Variants in LATS2 observed in about 807,000 individuals in gnomAD.
LATS2 encodes the protein large tumor suppressor kinase 2, also known as serine/threonine-protein kinase LATS2.
In LATS2, 24 loss-of-function variants were observed where a neutral mutation model predicts 76.0. The observed-to-expected ratio is 0.32, with a 90% CI of 0.23 to 0.44. The LOEUF (loss-of-function observed/expected upper bound fraction) is 0.44. LATS2 is among the 20% of genes least tolerant of loss of function. LATS2 has a pLI of 1.00. For missense variants in LATS2, 1,286 were observed against 1,481.2 expected (o/e 0.87, Z 2.16); for synonymous variants, 692 against 635.4 (o/e 1.09, Z -1.34).
At chr13:20,987,855 A>T in intron 4 of LATS2, 26 bp downstream of exon 4, 1 of 1,603,688 alleles carries the variant, frequency 6.2e-7, no homozygotes, top group African/African-American at 1.3e-5. Context: ...CCGGGAACAA[A>T]TAGTAAAAAT....
chr13:21,030,154 C>T (rs866551546), intron 2 of LATS2, among the ~76,000 whole-genome samples: 3 of 151,336 alleles, frequency 2.0e-5, no homozygotes, highest in Non-Finnish European at 4.4e-5. Context: ...AATCCACCCC[C>T]ATGGTCTAAT....
At chr13:21,009,700 T>C (rs748635204) in intron 2 of LATS2, among the ~76,000 whole-genome samples, 5 of 152,168 alleles carry the variant, frequency 3.3e-5, no homozygotes, top group Non-Finnish European at 7.3e-5. Flanking sequence ...AGAAACCAGA[T>C]GGAGGAACAG....
intron 2 of LATS2, among the ~76,000 whole-genome samples, chr13:21,045,189 C>G (rs527686813): frequency 3.9e-4 from 60 of 152,200 alleles, no homozygotes; most frequent in African/African-American, 1.4e-3. Flanking sequence ...AGTTACACCC[C>G]CTGTAACAGC....
In LATS2 at chr13:20,998,752, G is replaced by A. The variant is rs375203969; in HGVS notation, c.343-7348C>T. On this transcript the variant is annotated intron_variant, in intron 2 of 7. Coordinates refer to ENST00000382592, the MANE Select transcript of LATS2 (RefSeq NM_014572.3). ...AGGCCTTGTCAATGCGGGGCGAGGC[G>A]GGGCGGGGCCCGACAACCTTGGGCT... Among the ~76,000 whole-genome samples the A allele has an allele frequency of 1.4e-3, 219 of 152,334 alleles. 1 individual carries two copies. The highest frequency in any genetic ancestry group is 4.3e-3 in the African/African-American group (179 of 41,584).
chr13:21,044,513 T>C (rs1872992006), intron 2 of LATS2, among the ~76,000 whole-genome samples: 1 of 152,232 alleles, frequency 6.6e-6, no homozygotes, highest in Admixed American at 6.5e-5. Flanking sequence ...AATAAAACAC[T>C]GGCTTTCATG....
chr13:20,995,998 A>C (rs910869513), intron 2 of LATS2, among the ~76,000 whole-genome samples: 1 of 152,212 alleles, frequency 6.6e-6, no homozygotes, highest in South Asian at 2.1e-4. Flanking sequence ...AGAAAGCTTA[A>C]TTTAGGAAAG....
intron 2 of LATS2, among the ~76,000 whole-genome samples, chr13:21,039,722 G>C (rs957067667): frequency 2.6e-5 from 4 of 152,176 alleles, no homozygotes; most frequent in African/African-American, 9.7e-5. Context: ...AGCAAGACGG[G>C]AACATGACAA....
intron 1 of LATS2, among the ~76,000 whole-genome samples, chr13:21,050,965 T>TAA (rs1386899900): frequency 1.6e-4 from 24 of 152,078 alleles, no homozygotes; most frequent in African/African-American, 5.5e-4. Flanking sequence ...AAAGGCTGAG[T>TAA]CAAATGGAAG....
At chr13:20,979,834 T>C (rs370265384) in intron 6 of LATS2, 37 bp from the exon 7 acceptor site, 2 of 1,129,092 alleles carry the variant, frequency 1.8e-6, no homozygotes, top group African/African-American at 1.5e-5. Flanking sequence ...TACACAGGCA[T>C]GAATTCTCCT....
chr13:20,989,829 C>G (rs1200510042), intron 3 of LATS2, among the ~76,000 whole-genome samples: 1 of 152,082 alleles, frequency 6.6e-6, no homozygotes, highest in Non-Finnish European at 1.5e-5. Context: ...TTTTTTTTGT[C>G]TATATTAAAA....
chr13:21,008,216 G>T (rs1356754777), intron 2 of LATS2, among the ~76,000 whole-genome samples: 2 of 152,150 alleles, frequency 1.3e-5, no homozygotes, highest in Admixed American at 6.5e-5. Context: ...AGACACTCGG[G>T]CACCGCATCC....
intron 1 of LATS2, among the ~76,000 whole-genome samples, chr13:21,047,386 C>T (rs1246522224): frequency 6.6e-6 from 1 of 152,168 alleles, no homozygotes; most frequent in Non-Finnish European, 1.5e-5. Flanking sequence ...TTCTTCACCC[C>T]GTGATGAATG....
intron 2 of LATS2, among the ~76,000 whole-genome samples, chr13:21,033,805 T>C (rs967279551): frequency 6.6e-6 from 1 of 151,704 alleles, no homozygotes; most frequent in Non-Finnish European, 1.5e-5. Flanking sequence ...CTGGAGAAAT[T>C]TGTCACTGTT....
chr13:21,055,263 T>A (rs1873415060), intron 1 of LATS2, among the ~76,000 whole-genome samples: 1 of 152,102 alleles, frequency 6.6e-6, no homozygotes, highest in African/African-American at 2.4e-5. Context: ...GAAATTTTTC[T>A]TTCATCAAGA....
At chr13:21,054,295 C>T (rs994091425) in intron 1 of LATS2, among the ~76,000 whole-genome samples, 3 of 152,074 alleles carry the variant, frequency 2.0e-5, no homozygotes, top group African/African-American at 4.8e-5. Context: ...CCTGTCTCTA[C>T]TAAAAATGCA....
chr13:20,977,807 G>C (rs1366626937), intron 7 of LATS2, among the ~76,000 whole-genome samples: 3 of 151,946 alleles, frequency 2.0e-5, no homozygotes, highest in Admixed American at 2.0e-4. Context: ...ATTATCATGT[G>C]GGCAATTTAG....
intron 2 of LATS2, chr13:21,023,196 C>G (rs1872142752): frequency 6.6e-6 from 1 of 152,212 alleles, no homozygotes; most frequent in African/African-American, 2.4e-5. Context: ...GACCAGCTCC[C>G]ACACAGGAGA....
At chr13:20,993,278 G>A (rs1870590391) in intron 2 of LATS2, among the ~76,000 whole-genome samples, 1 of 152,164 alleles carries the variant, frequency 6.6e-6, no homozygotes, top group African/African-American at 2.4e-5. Flanking sequence ...GAACCTGGCA[G>A]GGCCTGAATC....
At position 20,988,890 on chromosome 13, in the gene LATS2, G is replaced by C. The variant is rs770778568; in HGVS notation, c.890C>G (p.Pro297Arg). 4.5e-6 allele frequency: 7 copies of C among 1,543,150 alleles called. No homozygotes were observed. The highest frequency in any genetic ancestry group is 6.1e-6 in the Non-Finnish European group (7 of 1,151,458). The change falls in exon 4 of 8, where the codon CCG becomes CGG. Residue 297 changes from proline to arginine, a missense_variant. This residue lies in a region of LATS2 where 710 missense variants were observed against 660.9 expected (regional missense o/e 1.07). Coordinates refer to ENST00000382592, the MANE Select transcript of LATS2 (RefSeq NM_014572.3). ...ASLPTKGQGG[P>R]PGAGLAFPPP... ...TGGGAAAGCGAGGCCGGCGCCTGGCGGTCCTCCCTGGCCCTTCGTGGGCAG... is the reference window on the plus strand; with the variant it reads ...TGGGAAAGCGAGGCCGGCGCCTGGCCGTCCTCCCTGGCCCTTCGTGGGCAG...
Sources: allele counts gnomAD v4.1 joint callset (sites outside exome capture counted in the v4.1 genomes callset), GRCh38; gene constraint gnomAD v4.1.1; regional missense constraint gnomAD v4.1.1; transcripts MANE v1.5; gene names NCBI Gene and HGNC (gene_info 2026-07-23, HGNC 2026-07-21).